The following LPAR1 variants were observed in gnomAD, a reference collection of about 807,000 sequenced individuals.
LPAR1 encodes lysophosphatidic acid receptor 1, also known as LPA receptor 1.
LPAR1 carries 5 observed loss-of-function variants against 23.8 expected under a neutral mutation model. That is an observed-to-expected ratio of 0.21 (90% CI 0.11 to 0.44). The LOEUF (loss-of-function observed/expected upper bound fraction) is 0.44, where lower values mean the gene tolerates loss of function less well. LPAR1 is among the 20% of genes least tolerant of loss of function. The probability of loss-of-function intolerance (pLI) is 0.99; values close to 1 mark genes in which losing one functional copy is unlikely to be tolerated. For missense variants in LPAR1, 311 were observed against 482.8 expected (o/e 0.64, Z 3.33); for synonymous variants, 160 against 164.7 (o/e 0.97, Z 0.22).
intron 5 of LPAR1, among the ~76,000 whole-genome samples, chr9:110,885,278 GA>G (rs1246662164): frequency 6.6e-6 from 1 of 152,116 alleles, no homozygotes; most frequent in Non-Finnish European, 1.5e-5. Context: ...ATGCTTCAAG[GA>G]ATGTCTATTC....
intron 4 of LPAR1, among the ~76,000 whole-genome samples, chr9:110,943,647 G>A (rs891425432): frequency 1.3e-5 from 2 of 152,052 alleles, no homozygotes; most frequent in African/African-American, 4.8e-5. Flanking sequence ...ATCACTTGAG[G>A]TCAGAAGTTC....
At chr9:110,901,010 T>C (rs1277365151) in intron 5 of LPAR1, among the ~76,000 whole-genome samples, 1 of 152,232 alleles carries the variant, frequency 6.6e-6, no homozygotes, top group African/African-American at 2.4e-5. Context: ...AATCTGTTCC[T>C]ATAAACTGCT....
chr9:111,012,503 TC>T (rs2097353213), intron 2 of LPAR1, among the ~76,000 whole-genome samples: 1 of 150,974 alleles, frequency 6.6e-6, no homozygotes, highest in Non-Finnish European at 1.5e-5. Flanking sequence ...ACATACACAC[TC>T]AGTATCCTGG....
intron 2 of LPAR1, among the ~76,000 whole-genome samples, chr9:110,978,442 A>T (rs762588268): frequency 6.6e-6 from 1 of 152,222 alleles, no homozygotes; most frequent in Non-Finnish European, 1.5e-5. Context: ...AGAAGAAACC[A>T]TCAATGCTGA....
At position 111,007,313 on chromosome 9, in the gene LPAR1, C is replaced by G. The variant is rs1456143005; in HGVS notation, c.-182+28809G>C. Among the ~76,000 whole-genome samples, 3 of 152,104 alleles carry G rather than the reference C, an allele frequency of 2.0e-5. No homozygotes were observed. The South Asian group carries it at 6.2e-4, about 32-fold the overall frequency. Reference sequence around the variant, plus strand: ...TAATGCACTACCTAAACATTCAAAGCTTCATTATATTAAACAAATGCATAT... The same window carrying G: ...TAATGCACTACCTAAACATTCAAAGGTTCATTATATTAAACAAATGCATAT... On this transcript the variant is annotated intron_variant, in intron 2 of 5. Transcript: ENST00000683809.
At chr9:110,888,253 T>C (rs958035183) in intron 5 of LPAR1, among the ~76,000 whole-genome samples, 2 of 152,192 alleles carry the variant, frequency 1.3e-5, no homozygotes, top group African/African-American at 4.8e-5. Flanking sequence ...CTGTGTCATA[T>C]TCGAAGCAAA....
chr9:111,035,193 C>T (rs2097869908), intron 2 of LPAR1, among the ~76,000 whole-genome samples: 1 of 151,902 alleles, frequency 6.6e-6, no homozygotes, highest in Non-Finnish European at 1.5e-5. Flanking sequence ...CCTTTTCTCT[C>T]AACTTTCTAA....
At chr9:111,038,957 G>A (rs1245325126), upstream of LPAR1, among the ~76,000 whole-genome samples, 2 of 152,208 alleles carry the variant, frequency 1.3e-5, no homozygotes, top group African/African-American at 2.4e-5. This position sits in a 1 kb window ranked among gnomAD's most constrained non-coding sequence, Gnocchi z 4.4. Context: ...CACTCGAAAA[G>A]CTCTGGAAAA....
chr9:111,024,171 A>T (rs1202708790), intron 2 of LPAR1, among the ~76,000 whole-genome samples: 2 of 152,062 alleles, frequency 1.3e-5, no homozygotes, highest in African/African-American at 4.8e-5. Context: ...AAATGTAGAA[A>T]AAAATCCTGA....
intron 5 of LPAR1, among the ~76,000 whole-genome samples, chr9:110,895,273 G>A (rs1365993209): frequency 2.6e-5 from 4 of 152,126 alleles, no homozygotes; most frequent in Non-Finnish European, 4.4e-5. Context: ...TGTACTGGAC[G>A]CCCCACTCTG....
chr9:110,986,215 G>C (rs559003332), intron 2 of LPAR1, among the ~76,000 whole-genome samples: 73 of 152,194 alleles, frequency 4.8e-4, no homozygotes, highest in African/African-American at 1.6e-3. Context: ...ACTTACAGGA[G>C]AAGCACCCTA....
intron 4 of LPAR1, among the ~76,000 whole-genome samples, chr9:110,963,099 T>C (rs10980663): frequency 0.39 from 58,846 of 151,862 alleles, 12,350 homozygotes; most frequent in Non-Finnish European, 0.47. Flanking sequence ...GATAAAGGAG[T>C]AGCTCCATTA....
chr9:110,990,107 T>C (rs2096867522), intron 2 of LPAR1, among the ~76,000 whole-genome samples: 1 of 152,082 alleles, frequency 6.6e-6, no homozygotes, highest in Non-Finnish European at 1.5e-5. Flanking sequence ...TTTTGAAACA[T>C]ACGAAGTAAA....
At chr9:110,976,040 C>A (rs764865280) in intron 2 of LPAR1, among the ~76,000 whole-genome samples, 3 of 152,050 alleles carry the variant, frequency 2.0e-5, no homozygotes, top group Non-Finnish European at 4.4e-5. Context: ...CAAAACTGCA[C>A]AAATCATGGG....
At chr9:111,024,000 A>G (rs961058914) in intron 2 of LPAR1, among the ~76,000 whole-genome samples, 2 of 152,216 alleles carry the variant, frequency 1.3e-5, no homozygotes, top group East Asian at 3.8e-4. Flanking sequence ...AAAGACAAAA[A>G]TTGGCAATAG....
chr9:110,974,246 G>A (rs532270705), intron 2 of LPAR1, among the ~76,000 whole-genome samples: 29 of 152,148 alleles, frequency 1.9e-4, no homozygotes, highest in Middle Eastern at 3.4e-3. Context: ...CATGCAAGAT[G>A]ATACCTGAAC....
At chr9:111,014,343 G>C (rs190594626) in intron 2 of LPAR1, among the ~76,000 whole-genome samples, 1 of 152,142 alleles carries the variant, frequency 6.6e-6, no homozygotes, top group African/African-American at 2.4e-5. Flanking sequence ...TTCTCTCGGC[G>C]CCTCTTCCAA....
intron 5 of LPAR1, among the ~76,000 whole-genome samples, chr9:110,898,924 A>T (rs1186551199): frequency 2.6e-5 from 4 of 152,218 alleles, no homozygotes; most frequent in Non-Finnish European, 4.4e-5. Context: ...AAAAAAAATG[A>T]GATAATTCCT....
intron 5 of LPAR1, among the ~76,000 whole-genome samples, chr9:110,908,152 T>C (rs914428679): frequency 6.6e-5 from 10 of 151,832 alleles, no homozygotes; most frequent in Non-Finnish European, 1.2e-4. Flanking sequence ...TTTAGGAACA[T>C]TTTTCTATTT....
Sources: gnomAD v4.1 joint callset for allele counts (sites outside exome capture counted in the v4.1 genomes callset) on GRCh38, gnomAD v4.1.1 for gene constraint, Gnocchi (gnomAD v3.1) non-coding constraint, MANE v1.5 for transcripts, NCBI Gene and HGNC (gene_info 2026-07-23, HGNC 2026-07-21) for gene names.